NR6A1: variants seen among roughly 807,000 people sequenced by gnomAD.
The protein encoded by NR6A1 is nuclear receptor subfamily 6 group A member 1.
In NR6A1, 7 loss-of-function variants were observed where a neutral mutation model predicts 59.1. That is an observed-to-expected ratio of 0.12 (90% CI 0.07 to 0.22). The LOEUF is 0.22. NR6A1 is among the 10% of genes least tolerant of loss of function. The pLI is 1.00. For missense variants in NR6A1, 468 were observed against 611.6 expected, an observed-to-expected ratio of 0.77 and a Z score of 2.48; for synonymous variants, 243 against 236.1, an observed-to-expected ratio of 1.03 and a Z score of -0.27.
chr9:124,559,580 C>T (rs559011421), intron 2 of NR6A1, among the ~76,000 whole-genome samples: 1 of 151,958 alleles, frequency 6.6e-6, no homozygotes, highest in African/African-American at 2.4e-5. Flanking sequence ...GTTTGAGACC[C>T]GCCTGGCCAA....
chr9:124,749,090 C>T (rs1384290017), intron 1 of NR6A1, among the ~76,000 whole-genome samples: 1 of 151,922 alleles, frequency 6.6e-6, no homozygotes, highest in Non-Finnish European at 1.5e-5. Context: ...TGGAGAAACT[C>T]CATCTCTACT....
intron 1 of NR6A1, among the ~76,000 whole-genome samples, chr9:124,738,231 G>A (rs368146295): frequency 4.4e-4 from 67 of 152,228 alleles, no homozygotes; most frequent in African/African-American, 1.5e-3. Context: ...TCCAGCCTGG[G>A]CAACAGAGCA....
At chr9:124,702,517 G>A (rs1439383707) in intron 2 of NR6A1, among the ~76,000 whole-genome samples, 1 of 152,130 alleles carries the variant, frequency 6.6e-6, no homozygotes, top group Non-Finnish European at 1.5e-5. Flanking sequence ...TCCAAATCAT[G>A]TTGAAATGTG....
intron 2 of NR6A1, among the ~76,000 whole-genome samples, chr9:124,719,239 G>A (rs925797416): frequency 4.6e-5 from 7 of 151,590 alleles, no homozygotes; most frequent in East Asian, 2.0e-4. Context: ...GACATGTGCC[G>A]CCACACCCAG....
At chr9:124,530,170 T>C (rs1256096188) in intron 7 of NR6A1, among the ~76,000 whole-genome samples, 1 of 152,120 alleles carries the variant, frequency 6.6e-6, no homozygotes, top group Non-Finnish European at 1.5e-5. Flanking sequence ...CCCAAGTGCC[T>C]GGCCTGTCCA....
chr9:124,763,165 A>C (rs771545142), intron 1 of NR6A1, among the ~76,000 whole-genome samples: 6 of 152,242 alleles, frequency 3.9e-5, no homozygotes, highest in Non-Finnish European at 5.9e-5. Context: ...CCATTTTGTC[A>C]CACAGAATAT....
At chr9:124,768,232 A>G (rs1342142672) in intron 1 of NR6A1, among the ~76,000 whole-genome samples, 1 of 152,232 alleles carries the variant, frequency 6.6e-6, no homozygotes, top group African/African-American at 2.4e-5. Context: ...CTATCTGTAT[A>G]GTTGTCTCTT....
At chr9:124,653,676 G>A (rs1471996126) in intron 2 of NR6A1, among the ~76,000 whole-genome samples, 1 of 152,196 alleles carries the variant, frequency 6.6e-6, no homozygotes, top group African/African-American at 2.4e-5. Flanking sequence ...CCAAAGCACT[G>A]GCATTACAGG....
chr9:124,681,514 G>A (rs1018202578), intron 2 of NR6A1, among the ~76,000 whole-genome samples: 1 of 151,642 alleles, frequency 6.6e-6, no homozygotes, highest in African/African-American at 2.4e-5. Context: ...GCTAATTTTT[G>A]TATTTTTAGT....
chr9:124,621,928 TAAC>T (rs1460742963), intron 2 of NR6A1, among the ~76,000 whole-genome samples: 1 of 151,740 alleles, frequency 6.6e-6, no homozygotes, highest in Admixed American at 6.6e-5. Context: ...ACCAAGAAAA[TAAC>T]AGCCGAGCAT....
chr9:124,712,564 C>T (rs1017529566), intron 2 of NR6A1, among the ~76,000 whole-genome samples: 1 of 151,428 alleles, frequency 6.6e-6, no homozygotes, highest in East Asian at 1.9e-4. Context: ...GCCAAGATCA[C>T]GCCACTGCAC....
At chr9:124,709,665 G>A (rs1265769333) in intron 2 of NR6A1, among the ~76,000 whole-genome samples, 1 of 152,122 alleles carries the variant, frequency 6.6e-6, no homozygotes, top group Admixed American at 6.6e-5. Flanking sequence ...CAGGTGGGTT[G>A]GCGCACACCT....
intron 2 of NR6A1, among the ~76,000 whole-genome samples, chr9:124,643,984 T>A (rs1836852629): frequency 6.6e-6 from 1 of 152,160 alleles, no homozygotes; most frequent in Admixed American, 6.5e-5. Flanking sequence ...CACTACAACC[T>A]CCACCTCCTG....
chr9:124,600,436 G>C (rs924010645), intron 2 of NR6A1, among the ~76,000 whole-genome samples: 2 of 152,152 alleles, frequency 1.3e-5, no homozygotes, highest in Non-Finnish European at 2.9e-5. Flanking sequence ...GAGGTGGAAA[G>C]AATTCATAGT....
intron 2 of NR6A1, chr9:124,599,062 CA>C: frequency 1.4e-6 from 1 of 730,402 alleles, no homozygotes; most frequent in Non-Finnish European, 2.6e-6. Context: ...CCTTGTGCTT[CA>C]GGAGCTTGAC....
At chr9:124,742,631 T>C (rs10760375) in intron 1 of NR6A1, among the ~76,000 whole-genome samples, 94,631 of 152,030 alleles carry the variant, frequency 0.62, 30,938 homozygotes, top group African/African-American at 0.83. Context: ...AATCCCAGCA[T>C]TTTGGGAGGC....
intron 3 of NR6A1, among the ~76,000 whole-genome samples, chr9:124,547,697 C>A (rs1833639615): frequency 6.6e-6 from 1 of 152,090 alleles, no homozygotes; most frequent in Non-Finnish European, 1.5e-5. Context: ...AAATGCATAA[C>A]CTGCATGTAT....
At chr9:124,757,606 T>C (rs1271347079) in intron 1 of NR6A1, among the ~76,000 whole-genome samples, 1 of 152,168 alleles carries the variant, frequency 6.6e-6, no homozygotes, top group African/African-American at 2.4e-5. Flanking sequence ...ACTGGATTCT[T>C]AAGCAGCTCA....
In NR6A1 at chr9:124,647,179, A is replaced by G. The variant is rs1370001382; in HGVS notation, c.142+86129T>C. On this transcript the variant is annotated intron_variant, in intron 2 of 9. Coordinates refer to ENST00000487099, the MANE Select transcript of NR6A1 (RefSeq NM_033334.4). ...TGATCCTCCTACCTTGGCCTCCCAA[A>G]GCATTGAGATTACAGGCATGAGCCA... is the stretch of plus-strand genomic sequence containing the variant. 4.6e-5 allele frequency among the ~76,000 whole-genome samples: 7 copies of G among 152,312 alleles called. No homozygotes were observed. In the South Asian group the frequency reaches 6.2e-4, roughly 14 times the overall value.
Sources: allele counts gnomAD v4.1 joint callset (sites outside exome capture counted in the v4.1 genomes callset), GRCh38; gene constraint gnomAD v4.1.1; transcripts MANE v1.5; gene names NCBI Gene and HGNC (gene_info 2026-07-23, HGNC 2026-07-21).